Variants in DSCAM observed in about 807,000 individuals in gnomAD.
The protein encoded by DSCAM is DS cell adhesion molecule.
DSCAM carries 47 observed loss-of-function variants against 217.7 expected under a neutral mutation model. The observed-to-expected ratio is 0.22, with a 90% CI of 0.17 to 0.28. DSCAM has a LOEUF of 0.28. Among genes scored for constraint, DSCAM ranks in the 10% least tolerant of loss-of-function variants. The pLI is 1.00. For missense variants in DSCAM, 2,080 were observed against 2,618.3 expected (o/e 0.79, Z 4.49); for synonymous variants, 1,056 against 1,015.3 (o/e 1.04, Z -0.76).
chr21:40,805,021 G>A (rs190460775), intron 1 of DSCAM, among the ~76,000 whole-genome samples: 3 of 152,216 alleles, frequency 2.0e-5, no homozygotes, highest in Non-Finnish European at 4.4e-5. Context: ...CTGTCTGAAC[G>A]AGACTCTTCT....
At chr21:40,622,724 C>T (rs1451380557) in intron 3 of DSCAM, among the ~76,000 whole-genome samples, 6 of 152,178 alleles carry the variant, frequency 3.9e-5, no homozygotes, top group Non-Finnish European at 7.3e-5. Flanking sequence ...TGACCACAGT[C>T]AGCACTTTTG....
At chr21:40,340,375 T>C (rs1045010452) in intron 6 of DSCAM, among the ~76,000 whole-genome samples, 7 of 152,252 alleles carry the variant, frequency 4.6e-5, no homozygotes, top group Admixed American at 3.3e-4. Context: ...TTCTCTTATA[T>C]AGTAATAGTT....
At chr21:40,142,465 T>C (rs2090303470) in intron 18 of DSCAM, 93 bp downstream of exon 18, 2 of 1,443,672 alleles carry the variant, frequency 1.4e-6, no homozygotes, top group Non-Finnish European at 1.9e-6. Flanking sequence ...GCCCGCCATA[T>C]CCTGAGCCCC....
chr21:40,376,489 A>ATATCGATATATCTTATATC (rs2074954851), intron 3 of DSCAM, among the ~76,000 whole-genome samples: 7 of 86,790 alleles, frequency 8.1e-5, no homozygotes, highest in African/African-American at 3.0e-4. Context: ...TATCTTATAT[A>ATATCGATATATCTTATATC]GATATCTATA....
intron 3 of DSCAM, among the ~76,000 whole-genome samples, chr21:40,508,761 ATATATATATATATATATATATATTT>A (rs1447826852): frequency 0.018 from 95 of 5,236 alleles, 1 homozygote; most frequent in African/African-American, 0.039. Context: ...ATATATATAT[ATATATATATATATATATATATATTT>A]TTTTTTTTTT....
Position 40,187,940 on chromosome 21 carries a change from A to G in DSCAM, c.2601T>C (p.Ala867=), listed in dbSNP as rs367614504. ...CACGGTCCTCCCCATAAGAATTAAT[A>G]GCATGGCAGGAAAAGAAACCAGAAT... ...REDSGFFSCH[A]INSYGEDRGI... is the part of the protein sequence containing the mutation. Residue 867 remains alanine (A), a synonymous_variant, in exon 13 of 33, where the codon GCT becomes GCC. Coordinates refer to ENST00000400454, the MANE Select transcript of DSCAM (RefSeq NM_001389.5). The G allele has an allele frequency of 2.5e-6, 4 of 1,614,030 alleles. No homozygotes were observed. The highest frequency in any genetic ancestry group is 3.4e-6 in the Non-Finnish European group (4 of 1,180,016).
intron 3 of DSCAM, among the ~76,000 whole-genome samples, chr21:40,376,627 C>CTATATATCTTATATATATAGATA (rs2074963206): frequency 7.0e-6 from 1 of 143,046 alleles, no homozygotes; most frequent in Non-Finnish European, 1.5e-5. Context: ...ATATCGATAT[C>CTATATATCTTATATATATAGATA]TATATATCTT....
intron 1 of DSCAM, among the ~76,000 whole-genome samples, chr21:40,829,527 T>C (rs2091996307): frequency 6.6e-6 from 1 of 152,166 alleles, no homozygotes; most frequent in Admixed American, 6.5e-5. Context: ...TAATCAGGTA[T>C]ATCACAAAGT....
At chr21:40,726,174 G>A (rs2090954025) in intron 1 of DSCAM, among the ~76,000 whole-genome samples, 2 of 152,148 alleles carry the variant, frequency 1.3e-5, no homozygotes, top group Admixed American at 6.5e-5. Flanking sequence ...GTATTAAGAA[G>A]AGTGTTTAGT....
chr21:40,653,782 C>A (rs1175059648), intron 3 of DSCAM, among the ~76,000 whole-genome samples: 1 of 152,176 alleles, frequency 6.6e-6, no homozygotes, highest in Non-Finnish European at 1.5e-5. Context: ...TCAATTCTAA[C>A]CATGCCGTCT....
At position 40,347,697 on chromosome 21, in the gene DSCAM, G is replaced by C. The variant is rs1457457119; in HGVS notation, c.1183C>G (p.Gln395Glu). The change falls in exon 6 of 33, where the codon CAA (glutamine) becomes GAA (glutamate). Residue 395 changes from glutamine (Q) to glutamate (E), a missense_variant. Coordinates refer to ENST00000400454, the MANE Select transcript of DSCAM (RefSeq NM_001389.5). ...TCAAGGACCACCTGCACATAGTCTT[G>C]AGCGGACAGCTTGTCCTTGCGCACA... ...CFVRKDKLSAQDYVQVVLEDG... is the reference protein window; with the variant it reads ...CFVRKDKLSAEDYVQVVLEDG... 3.1e-6 allele frequency: 5 copies of C among 1,613,966 alleles called. No individual in the cohort carries two copies. The highest frequency in any genetic ancestry group is 4.2e-6 in the Non-Finnish European group (5 of 1,180,016).
chr21:40,746,180 A>AG (rs2091172917), intron 1 of DSCAM, among the ~76,000 whole-genome samples: 1 of 151,918 alleles, frequency 6.6e-6, no homozygotes, highest in African/African-American at 2.4e-5. Context: ...AAGTAACAAA[A>AG]TGGTAGTAGT....
intron 17 of DSCAM, among the ~76,000 whole-genome samples, chr21:40,143,880 A>G (rs931476143): frequency 3.9e-5 from 6 of 152,208 alleles, no homozygotes; most frequent in African/African-American, 1.4e-4. Flanking sequence ...TATTGCTACA[A>G]ATAACCCCAT....
At chr21:40,030,413 G>A (rs1346023468) in intron 32 of DSCAM, among the ~76,000 whole-genome samples, 1 of 152,146 alleles carries the variant, frequency 6.6e-6, no homozygotes, top group East Asian at 1.9e-4. Context: ...TGGGAGGGGA[G>A]TATTTTGGAA....
intron 9 of DSCAM, among the ~76,000 whole-genome samples, chr21:40,299,446 G>C (rs937702134): frequency 2.6e-5 from 4 of 152,136 alleles, no homozygotes; most frequent in African/African-American, 9.7e-5. Flanking sequence ...ACATCAAGAA[G>C]ACCTGAGGCC....
At chr21:40,802,169 A>T (rs912240948) in intron 1 of DSCAM, among the ~76,000 whole-genome samples, 1 of 152,188 alleles carries the variant, frequency 6.6e-6, no homozygotes, top group Admixed American at 6.5e-5. Flanking sequence ...CTCCCACCCC[A>T]GTGTCTCGGA....
intron 3 of DSCAM, among the ~76,000 whole-genome samples, chr21:40,668,467 G>A (rs1022926418): frequency 6.6e-6 from 1 of 152,194 alleles, no homozygotes; most frequent in African/African-American, 2.4e-5. Flanking sequence ...ATTGGTATTT[G>A]TAAAAATCCA....
rs73218212 is a variant in DSCAM, at chr21:40,633,608, G to A, written c.508+59202C>T. Among the ~76,000 whole-genome samples the A allele has an allele frequency of 0.018, 2,693 of 152,284 alleles. 108 individuals are homozygous for A. In the East Asian group the frequency reaches 0.18, roughly 10 times the overall value. ...GTGTATCCACAGCCACGTACAGTAC[G>A]TGCACATGGCGATTTTTCTATTTTG... On this transcript the variant is annotated intron_variant, in intron 3 of 32. Transcript: ENST00000400454.
At chr21:40,591,161 G>A (rs1205782971) in intron 3 of DSCAM, among the ~76,000 whole-genome samples, 2 of 152,158 alleles carry the variant, frequency 1.3e-5, no homozygotes, top group Non-Finnish European at 2.9e-5. Flanking sequence ...GCCACCTTGT[G>A]AAGAAGGTGC....
Sources: gnomAD v4.1 joint callset for allele counts (sites outside exome capture counted in the v4.1 genomes callset) on GRCh38, gnomAD v4.1.1 for gene constraint, MANE v1.5 for transcripts, NCBI Gene and HGNC (gene_info 2026-07-23, HGNC 2026-07-21) for gene names.